CWC27: variants seen among roughly 807,000 people sequenced by gnomAD.
CWC27 encodes CWC27 spliceosome associated cyclophilin.
In CWC27, 47 loss-of-function variants were observed where a neutral mutation model predicts 63.6. The ratio of observed to expected loss-of-function variants is 0.74; its 90% CI spans 0.58 to 0.94. The LOEUF (loss-of-function observed/expected upper bound fraction) is 0.94, where lower values mean the gene tolerates loss of function less well. CWC27 is among the 40% of genes least tolerant of loss of function. The pLI, the probability that CWC27 is intolerant of heterozygous loss-of-function variation, is 0.00. For missense variants in CWC27, 495 were observed against 554.3 expected (o/e 0.89, Z 1.07); for synonymous variants, 175 against 179.8 (o/e 0.97, Z 0.22).
chr5:64,840,457 GAGGC>G (rs1276526078), intron 10 of CWC27, among the ~76,000 whole-genome samples: 2 of 110,354 alleles, frequency 1.8e-5, no homozygotes, highest in South Asian at 3.2e-4. Flanking sequence ...TTAGAAAACA[GAGGC>G]AGGTAAAAAT....
intron 10 of CWC27, among the ~76,000 whole-genome samples, chr5:64,830,303 A>G (rs185709054): frequency 9.2e-4 from 140 of 152,028 alleles, no homozygotes; most frequent in Non-Finnish European, 1.5e-3. Flanking sequence ...AGTTTGACAA[A>G]CCTGACAAAA....
chr5:64,840,387 AAAAAAAAATATATATATATATATAT>A (rs1257617287), intron 10 of CWC27, among the ~76,000 whole-genome samples: 7 of 52,932 alleles, frequency 1.3e-4, no homozygotes, highest in African/African-American at 4.7e-4. Flanking sequence ...AAAAAAAAAA[AAAAAAAAATATATATATATATATAT>A]ATATATATAT....
chr5:64,944,761 C>T (rs997943446), intron 11 of CWC27, among the ~76,000 whole-genome samples: 1 of 152,100 alleles, frequency 6.6e-6, no homozygotes, highest in Admixed American at 6.6e-5. Context: ...TTAGTGCAGT[C>T]GTTTCATAAT....
At chr5:64,852,987 A>G (rs73103385) in intron 10 of CWC27, among the ~76,000 whole-genome samples, 1,651 of 152,290 alleles carry the variant, frequency 0.011, 25 homozygotes, top group African/African-American at 0.038. Flanking sequence ...GCTGACAAAG[A>G]AACTACAGAC....
chr5:64,888,363 A>G (rs1747128012), intron 11 of CWC27, among the ~76,000 whole-genome samples: 1 of 147,194 alleles, frequency 6.8e-6, no homozygotes, highest in Non-Finnish European at 1.5e-5. Flanking sequence ...TATAAAGTAT[A>G]TAAATAATTT....
At chr5:65,013,626 A>C (rs902863018) in intron 13 of CWC27, among the ~76,000 whole-genome samples, 2 of 152,220 alleles carry the variant, frequency 1.3e-5, no homozygotes, top group African/African-American at 4.8e-5. Context: ...GTCTAATATG[A>C]TAACCAGTAG....
intron 13 of CWC27, among the ~76,000 whole-genome samples, chr5:64,984,894 A>G (rs1749397906): frequency 6.6e-6 from 1 of 152,114 alleles, no homozygotes; most frequent in African/African-American, 2.4e-5. Context: ...TTTTTTCCTA[A>G]GTTTTCTTTT....
intron 10 of CWC27, among the ~76,000 whole-genome samples, chr5:64,834,759 T>C (rs1745617650): frequency 6.6e-6 from 1 of 151,822 alleles, no homozygotes; most frequent in African/African-American, 2.4e-5. Context: ...CAAATGCTTA[T>C]ACTATCCTGT....
chr5:64,917,990 A>G (rs1747924084), intron 11 of CWC27, among the ~76,000 whole-genome samples: 1 of 152,118 alleles, frequency 6.6e-6, no homozygotes, highest in African/African-American at 2.4e-5. Context: ...TATCTGGAGA[A>G]TCCTGATTAA....
intron 6 of CWC27, among the ~76,000 whole-genome samples, chr5:64,788,464 T>C (rs1335383443): frequency 6.6e-6 from 1 of 152,064 alleles, no homozygotes; most frequent in Non-Finnish European, 1.5e-5. Context: ...TGGGCTATTT[T>C]AGTTGTTCAT....
At chr5:64,909,702 T>A (rs1275266305) in intron 11 of CWC27, among the ~76,000 whole-genome samples, 1 of 152,230 alleles carries the variant, frequency 6.6e-6, no homozygotes, top group East Asian at 1.9e-4. Flanking sequence ...CAGTCACTGA[T>A]AACCTTTCTT....
chr5:64,825,207 T>G (rs1745326983), intron 10 of CWC27, among the ~76,000 whole-genome samples: 1 of 152,174 alleles, frequency 6.6e-6, no homozygotes, highest in Non-Finnish European at 1.5e-5. Flanking sequence ...TTGGAGACCG[T>G]ATGTTGCAAT....
intron 11 of CWC27, among the ~76,000 whole-genome samples, chr5:64,939,057 C>T (rs902916401): frequency 4.6e-5 from 7 of 152,096 alleles, no homozygotes; most frequent in African/African-American, 1.7e-4. Context: ...AGAACATGCT[C>T]CTTTAGCTCA....
intron 11 of CWC27, among the ~76,000 whole-genome samples, chr5:64,954,907 A>G (rs778150335): frequency 6.6e-6 from 1 of 152,034 alleles, no homozygotes; most frequent in Non-Finnish European, 1.5e-5. Context: ...AAGCCCCATG[A>G]TAAGCAGTGC....
rs1170127729 is a variant in CWC27, at chr5:65,004,861, CATATATATATATATATATATATATATAT to C, written c.1257-13280_1257-13253del. 9.9e-4 allele frequency among the ~76,000 whole-genome samples: 45 copies of C among 45,482 alleles called. 1 individual carries two copies. Among genetic ancestry groups the C allele is most frequent in the African/African-American group, 3.2e-3 (38 of 11,922 alleles). The allele number at this position is 45,482 out of a possible 152,430, so 29.8% of individuals were successfully genotyped here. A position where few individuals can be genotyped will look rare whatever the true frequency, so the allele number is the denominator to read the frequency against. On this transcript the variant is annotated intron_variant, in intron 13 of 13. Coordinates refer to ENST00000381070, the MANE Select transcript of CWC27 (RefSeq NM_005869.4). ...TGGCCTTCAGAGGGAAAGACTTTTT[CATATATATATATATATATATATATATAT>C]ATATATATATATATATACATACACA...
intron 13 of CWC27, among the ~76,000 whole-genome samples, chr5:64,989,533 G>A (rs1209124479): frequency 6.6e-6 from 1 of 152,320 alleles, no homozygotes; most frequent in Non-Finnish European, 1.5e-5. Context: ...TCACCAGAGA[G>A]AAGTTGAAAA....
intron 13 of CWC27, among the ~76,000 whole-genome samples, chr5:64,979,602 A>C (rs1749294188): frequency 6.6e-6 from 1 of 152,186 alleles, no homozygotes; most frequent in Non-Finnish European, 1.5e-5. Context: ...TTTATAACAA[A>C]TATTATGAGT....
intron 10 of CWC27, among the ~76,000 whole-genome samples, chr5:64,839,405 C>T (rs1268285177): frequency 6.6e-6 from 1 of 152,120 alleles, no homozygotes; most frequent in East Asian, 1.9e-4. Flanking sequence ...ATGATACAAG[C>T]AGTGTTAAGG....
intron 10 of CWC27, among the ~76,000 whole-genome samples, chr5:64,867,987 TACTG>T (rs1279169898): frequency 6.6e-6 from 1 of 151,982 alleles, no homozygotes; most frequent in Non-Finnish European, 1.5e-5. Flanking sequence ...TAGCTTTAGA[TACTG>T]ACATATCACA....
Sources: gnomAD v4.1 joint callset for allele counts (sites outside exome capture counted in the v4.1 genomes callset) on GRCh38, gnomAD v4.1.1 for gene constraint, MANE v1.5 for transcripts, NCBI Gene and HGNC (gene_info 2026-07-23, HGNC 2026-07-21) for gene names.